The following RGPD5 variants were observed in gnomAD, a reference collection of about 807,000 sequenced individuals.
RGPD5 encodes RANBP2-like and GRIP domain-containing protein 5/6.
At chr2:109,799,193 C>T (rs1262337705) in intron 1 of RGPD5, among the ~76,000 whole-genome samples, 1 of 89,840 alleles carries the variant, frequency 1.1e-5, no homozygotes, top group Non-Finnish European at 2.0e-5. Flanking sequence ...GAGCTGAGAT[C>T]GAGCCACCGC....
chr2:109,761,661 A>G, the RGPD5 span, among the ~76,000 whole-genome samples: 2 of 145,962 alleles, frequency 1.4e-5, no homozygotes, highest in African/African-American at 2.6e-5. Context: ...CCAACCCGCC[A>G]CTATCTCTTA....
chr2:109,767,576 C>T, the RGPD5 span, among the ~76,000 whole-genome samples: 1 of 147,844 alleles, frequency 6.8e-6, no homozygotes, highest in Non-Finnish European at 1.5e-5. Flanking sequence ...ACCACCCAAT[C>T]CAAGGAACTA....
At chr2:109,778,997 A>G in the RGPD5 span, among the ~76,000 whole-genome samples, 1 of 147,236 alleles carries the variant, frequency 6.8e-6, no homozygotes, top group Non-Finnish European at 1.5e-5. Flanking sequence ...CAGATATGGG[A>G]ATTGTTATGA....
At chr2:109,770,755 A>G in the RGPD5 span, among the ~76,000 whole-genome samples, 19 of 7,618 alleles carry the variant, frequency 2.5e-3, 1 homozygote, top group Non-Finnish European at 4.1e-3. Context: ...CATGAACCCT[A>G]TTGTGAACCG....
At chr2:109,766,505 T>G in the RGPD5 span, among the ~76,000 whole-genome samples, 14 of 150,694 alleles carry the variant, frequency 9.3e-5, no homozygotes, top group African/African-American at 2.7e-4. Flanking sequence ...AAATGTATCT[T>G]GATGACGTTG....
the RGPD5 span, among the ~76,000 whole-genome samples, chr2:109,766,393 C>T: frequency 2.1e-4 from 31 of 150,584 alleles, no homozygotes; most frequent in South Asian, 1.7e-3. Context: ...TAGTTCAGGG[C>T]GCCGAGAACT....
the RGPD5 span, among the ~76,000 whole-genome samples, chr2:109,766,469 C>A: frequency 6.6e-6 from 1 of 150,462 alleles, no homozygotes; most frequent in South Asian, 2.2e-4. Context: ...GAGTGTGCAC[C>A]TTAATGTGTG....
chr2:109,766,873 A>G, the RGPD5 span, among the ~76,000 whole-genome samples: 1 of 149,974 alleles, frequency 6.7e-6, no homozygotes, highest in Non-Finnish European at 1.5e-5. Flanking sequence ...ATATCATTTA[A>G]TGGTAACATA....
chr2:109,764,292 A>G, the RGPD5 span, among the ~76,000 whole-genome samples: 2 of 147,404 alleles, frequency 1.4e-5, no homozygotes, highest in Non-Finnish European at 3.0e-5. Context: ...GGCAGCAGAT[A>G]TGCAGAGGCG....
the RGPD5 span, among the ~76,000 whole-genome samples, chr2:109,763,580 G>T: frequency 6.7e-6 from 1 of 149,858 alleles, no homozygotes; most frequent in South Asian, 2.2e-4. Context: ...AAGAGAGAGA[G>T]CCCTAAATGG....
intron 1 of RGPD5, chr2:109,794,852 C>G (rs1364555351): frequency 1.9e-4 from 27 of 142,420 alleles, no homozygotes; most frequent in Admixed American, 5.3e-4. Flanking sequence ...CGCTCCTGGG[C>G]CCGTCCTGGC....
At chr2:109,763,331 A>G in the RGPD5 span, among the ~76,000 whole-genome samples, 1 of 150,606 alleles carries the variant, frequency 6.6e-6, no homozygotes, top group East Asian at 2.0e-4. Context: ...TTTTACAGAT[A>G]GGAAAATTGA....
chr2:109,778,346 G>A, the RGPD5 span, among the ~76,000 whole-genome samples: 2 of 145,482 alleles, frequency 1.4e-5, no homozygotes, highest in South Asian at 2.2e-4. Context: ...GTTGTAAGAG[G>A]TTTAAATGGC....
chr2:109,771,404 T>C, the RGPD5 span, among the ~76,000 whole-genome samples: 1 of 101,590 alleles, frequency 9.8e-6, no homozygotes, highest in Non-Finnish European at 1.8e-5. Context: ...GGCGGCATAC[T>C]GTAGAGCCCA....
chr2:109,794,599 C>G (rs1559006990), intron 1 of RGPD5, 62 bp downstream of exon 1: 1 of 901,434 alleles, frequency 1.1e-6, no homozygotes, highest in Non-Finnish European at 1.3e-6. Context: ...GCGGCGGCGG[C>G]GGCGGCGGCG....
the RGPD5 span, among the ~76,000 whole-genome samples, chr2:109,764,193 G>GA: frequency 6.7e-6 from 1 of 150,194 alleles, no homozygotes; most frequent in African/African-American, 2.4e-5. Context: ...GGAGAACTTA[G>GA]AAAAAGGTGA....
chr2:109,763,669 C>T, the RGPD5 span, among the ~76,000 whole-genome samples: 1 of 150,250 alleles, frequency 6.7e-6, no homozygotes, highest in Admixed American at 6.8e-5. Flanking sequence ...TGTATTAGAG[C>T]AATATACATT....
chr2:109,766,511 C>T, the RGPD5 span, among the ~76,000 whole-genome samples: 7 of 150,452 alleles, frequency 4.7e-5, 2 homozygotes, highest in East Asian at 4.0e-4. Context: ...ATCTTGATGA[C>T]GTTGAAGATG....
chr2:109,764,469 T>C, the RGPD5 span, among the ~76,000 whole-genome samples: 1 of 149,216 alleles, frequency 6.7e-6, no homozygotes, highest in African/African-American at 2.5e-5. Context: ...TTATTGATCA[T>C]CTCTTAAGTA....
Sources: allele counts gnomAD v4.1 joint callset (sites outside exome capture counted in the v4.1 genomes callset), GRCh38; gene constraint gnomAD v4.1.1; transcripts MANE v1.5; gene names NCBI Gene and HGNC (gene_info 2026-07-23, HGNC 2026-07-21).